Variants in TPRN observed in about 807,000 individuals in gnomAD.
TPRN encodes the protein chromosome 9 open reading frame 75.
TPRN carries 32 observed loss-of-function variants against 42.6 expected under a neutral mutation model. The observed-to-expected ratio is 0.75, with a 90% confidence interval of 0.57 to 1.01. The LOEUF (loss-of-function observed/expected upper bound fraction) is 1.01, where lower values mean the gene tolerates loss of function less well. Among genes scored for constraint, TPRN ranks in the 50% least tolerant of loss-of-function variants. TPRN has a pLI of 0.00. For missense variants in TPRN, 1,095 were observed against 957.5 expected (o/e 1.14, Z -1.90); for synonymous variants, 541 against 445.6 (o/e 1.21, Z -2.70).
rs1045738233 is a variant in TPRN at position 137,200,374 on chromosome 9, G to A, written c.338C>T (p.Pro113Leu). 1.9e-6 allele frequency: 2 copies of A among 1,077,404 alleles called. No individual in the cohort carries two copies. The highest frequency in any genetic ancestry group is 6.3e-5 in the South Asian group (2 of 31,550). The allele number at this position is 1,077,404 out of a possible 1,614,324, so 66.7% of individuals were successfully genotyped here. Reference sequence around the variant, plus strand: ...GGCGGCGCGGATCTGCGCGGCCCCCGGGGCGGGCGGCGCGGGCGGGAAGCC... The same window carrying A: ...GGCGGCGCGGATCTGCGCGGCCCCCAGGGCGGGCGGCGCGGGCGGGAAGCC... ...VPGFPPAPPAPGAAQIRAAEV... is the reference protein window; with the variant it reads ...VPGFPPAPPALGAAQIRAAEV... The change falls in exon 1 of 4, where the codon CCG becomes CTG. Residue 113 changes from proline (P) to leucine (L), a missense_variant. Physicochemically the swap from Pro to Leu is moderately conservative, Grantham distance 98. Coordinates refer to ENST00000409012, the MANE Select transcript of TPRN (RefSeq NM_001128228.3). This position sits in a 1 kb window ranked among gnomAD's most constrained non-coding sequence, Gnocchi z 4.3.
Position 137,192,477 on chromosome 9 carries a change from C to T in TPRN, c.1940G>A (p.Ser647Asn), listed in dbSNP as rs143298100. ...TGAGCTACCCTCTGGCAGCCGAGAG[C>T]TCTCGGGTCTCACGCTGCTCACAAA... ...ATFVSSVRPE[S>N]SRLPEGSSGL... The change falls in exon 2 of 4, where the codon AGC (serine) becomes AAC (asparagine). Residue 647 changes from serine to asparagine, a missense_variant. Physicochemically the swap from Ser to Asn is conservative, Grantham distance 46 (BLOSUM62 1). Transcript: ENST00000409012. 9.3e-6 allele frequency: 15 copies of T among 1,605,820 alleles called. No homozygotes were observed. In the African/African-American group the frequency reaches 1.9e-4, roughly 20 times the overall value.
chr9:137,198,988 T>C lies in TPRN; in HGVS notation c.1724A>G (p.Lys575Arg), dbSNP rs745997632. The change falls in exon 1 of 4, where the codon AAG becomes AGG. Residue 575 changes from lysine to arginine, a missense_variant and splice_region_variant. By Grantham distance (26) the Lys-to-Arg change is conservative. Transcript: ENST00000409012. ...CLTKAGSSRK[K>R]MKISFNDKSL... ...AGTGGCCCTGCCCCCACCACTGACCTTCTTTCTTGAGGAGCCAGCCTTGGT... is the reference window on the plus strand; with the variant it reads ...AGTGGCCCTGCCCCCACCACTGACCCTCTTTCTTGAGGAGCCAGCCTTGGT... 3 of 1,612,780 alleles carry C rather than the reference T, an allele frequency of 1.9e-6. No individual in the cohort carries two copies. The highest frequency in any genetic ancestry group is 2.7e-5 in the African/African-American group (2 of 74,960).
chr9:137,194,948 C>G (rs933668070), intron 1 of TPRN: 2 of 152,514 alleles, frequency 1.3e-5, no homozygotes, highest in Non-Finnish European at 2.9e-5. Flanking sequence ...GGTCCCAGCT[C>G]AGCCCAGCCT....
Position 137,200,624 on chromosome 9 carries a change from G to A in TPRN, c.88C>T (p.Leu30=). The A allele has an allele frequency of 8.5e-7, 1 of 1,183,376 alleles. No homozygotes were observed. Among genetic ancestry groups the A allele is most frequent in the Non-Finnish European group, 1.0e-6 (1 of 956,230 alleles). The allele number at this position is 1,183,376 out of a possible 1,614,324, so 73.3% of individuals were successfully genotyped here. Residue 30 remains leucine (L), a synonymous_variant, in exon 1 of 4, where the codon CTA becomes TTA. Coordinates refer to ENST00000409012, the MANE Select transcript of TPRN (RefSeq NM_001128228.3). This position sits in a 1 kb window ranked among gnomAD's most constrained non-coding sequence, Gnocchi z 4.3. The part of the protein sequence containing the change: ...REILERKRAK[L]AALGGGAGPG... ...CCCGCGCCCCCGCCCAGCGCGGCTA[G>A]CTTGGCCCGCTTCCGCTCCAGGATC...
intron 1 of TPRN, among the ~76,000 whole-genome samples, chr9:137,197,630 G>A (rs925697924): frequency 6.6e-6 from 1 of 152,228 alleles, no homozygotes; most frequent in Non-Finnish European, 1.5e-5. Flanking sequence ...CCACCTCTGG[G>A]GCAAGCCCAG....
Position 137,192,684 on chromosome 9 carries a change from ATCT to A in TPRN, c.1730_1732del (p.Lys577del), listed in dbSNP as rs769707569. 60 of 1,613,484 alleles carry A rather than the reference ATCT, an allele frequency of 3.7e-5. No homozygotes were observed. In the Admixed American group the frequency reaches 8.8e-4, roughly 24 times the overall value. On this transcript the variant is annotated inframe_deletion, in exon 2 of 4. Coordinates refer to ENST00000409012, the MANE Select transcript of TPRN (RefSeq NM_001128228.3). Reference sequence around the variant, plus strand: ...CTGCAGGCTTTTGTCGTTGAAGGAGATCTTCATCTGGGAGTGAGAGTCACGTGA... The same window carrying A: ...CTGCAGGCTTTTGTCGTTGAAGGAGATCATCTGGGAGTGAGAGTCACGTGA...
At chr9:137,196,205 G>A (rs1380109884) in intron 1 of TPRN, among the ~76,000 whole-genome samples, 2 of 152,302 alleles carry the variant, frequency 1.3e-5, no homozygotes, top group East Asian at 1.9e-4. Context: ...ACAGTGAGCC[G>A]TTGGCCCACA....
chr9:137,192,605 G>A lies in TPRN; in HGVS notation c.1812C>T (p.Asp604=), dbSNP rs765706749. Residue 604 remains aspartate, a synonymous_variant, in exon 2 of 4, where the codon GAC becomes GAT. Transcript: ENST00000409012. ...CCTCCTCCTCCTCCTCCTCCTGCTG[G>A]TCCACCTCTTCCTCCTGCTCTAGGG... is the stretch of plus-strand genomic sequence containing the variant. ...ESSLEQEEEV[D]QQEEEEEEEE... 39 of 1,613,158 alleles carry A rather than the reference G, an allele frequency of 2.4e-5. No homozygotes were observed. Among genetic ancestry groups the A allele is most frequent in the Non-Finnish European group, 2.9e-5 (34 of 1,179,880 alleles).
Position 137,200,516 on chromosome 9 carries a change from C to A in TPRN, c.196G>T (p.Ala66Ser). The A allele has an allele frequency of 8.6e-7, 1 of 1,168,164 alleles. No individual in the cohort carries two copies. Among genetic ancestry groups the A allele is most frequent in the Middle Eastern group, 3.6e-4 (1 of 2,788 alleles). 72.4% of individuals were successfully genotyped at this position (1,168,164 alleles called of 1,614,324 possible). A position where few individuals can be genotyped will look rare whatever the true frequency, so the allele number is the denominator to read the frequency against. ...GCGCCCCCGCCGCGCCGCCGCTCGG[C>A]CTCCAGCAGCATGAACGGGTTCTCG... ...LRENPFMLLE[A>S]ERRRGGGAAG... is the part of the protein sequence containing the mutation. Residue 66 changes from alanine (A) to serine (S), a missense_variant, in exon 1 of 4, where the codon GCC (alanine) becomes TCC (serine). Ala to Ser is a moderately conservative substitution (Grantham distance 99, BLOSUM62 1). Coordinates refer to ENST00000409012, the MANE Select transcript of TPRN (RefSeq NM_001128228.3). This position sits in a 1 kb window ranked among gnomAD's most constrained non-coding sequence, Gnocchi z 4.3.
intron 1 of TPRN, among the ~76,000 whole-genome samples, chr9:137,195,848 T>C (rs1308186818): frequency 6.6e-6 from 1 of 152,078 alleles, no homozygotes; most frequent in Non-Finnish European, 1.5e-5. Context: ...TGAGAATGGG[T>C]GTCCCACCCT....
chr9:137,198,841 A>ACCCAGC (rs1834744304), intron 1 of TPRN, 146 bp downstream of exon 1: 2 of 1,517,346 alleles, frequency 1.3e-6, no homozygotes, highest in South Asian at 2.4e-5. Context: ...AGCACGGCCC[A>ACCCAGC]CCCAGCCCCA....
chr9:137,196,930 C>A (rs1475513733), intron 1 of TPRN, among the ~76,000 whole-genome samples: 1 of 152,218 alleles, frequency 6.6e-6, no homozygotes, highest in African/African-American at 2.4e-5. Flanking sequence ...CATCTGGACC[C>A]CCACCCCTTC....
chr9:137,200,556 G>T lies in TPRN; in HGVS notation c.156C>A (p.Ser52Arg). 8.7e-7 allele frequency: 1 copy of T among 1,154,856 alleles called. No individual in the cohort carries two copies. Among genetic ancestry groups the T allele is most frequent in the Non-Finnish European group, 1.1e-6 (1 of 941,406 alleles). The allele number at this position is 1,154,856 out of a possible 1,614,324, so 71.5% of individuals were successfully genotyped here. Reference sequence around the variant, plus strand: ...ACGGGTTCTCGCGCAGCGGGCCCAGGCTCTCGGCCAGCACCCGCTGCTCGG... The same window carrying T: ...ACGGGTTCTCGCGCAGCGGGCCCAGTCTCTCGGCCAGCACCCGCTGCTCGG... Reference protein sequence around the residue: ...AEPEQRVLAESLGPLRENPFM... With the variant: ...AEPEQRVLAERLGPLRENPFM... The change falls in exon 1 of 4, where the codon AGC becomes AGA. Residue 52 changes from serine (S) to arginine (R), a missense_variant. By Grantham distance (110) the Ser-to-Arg change is moderately radical (BLOSUM62 -1). Transcript: ENST00000409012. The surrounding 1 kb of genome is among the most constrained non-coding windows in gnomAD (Gnocchi z 4.3).
chr9:137,195,408 C>A (rs565878677), intron 1 of TPRN, among the ~76,000 whole-genome samples: 1 of 152,112 alleles, frequency 6.6e-6, no homozygotes, highest in Non-Finnish European at 1.5e-5. Context: ...GGCGGAGAGA[C>A]GAGAAGGAAA....
Position 137,199,077 on chromosome 9 carries a change from G to A in TPRN, c.1635C>T (p.Arg545=), listed in dbSNP as rs776084207. The change falls in exon 1 of 4, where the codon CGC becomes CGT. Residue 545 remains arginine (R), a synonymous_variant. Transcript: ENST00000409012. The stretch of plus-strand genomic sequence containing the variant: ...CCTCGATCTCATGCACGGTGGGGTA[G>A]CGCTTCTTCAACGTGGGCCCCAGGA... ...SCLLGPTLKK[R]YPTVHEIEVI... is the part of the protein sequence containing the mutation. 1.2e-6 allele frequency: 2 copies of A among 1,613,314 alleles called. No homozygotes were observed. The highest frequency in any genetic ancestry group is 1.7e-6 in the Non-Finnish European group (2 of 1,180,002).
chr9:137,199,230 C>G lies in TPRN; in HGVS notation c.1482G>C (p.Gln494His). The G allele has an allele frequency of 6.2e-7, 1 of 1,613,044 alleles. No individual in the cohort carries two copies. The highest frequency in any genetic ancestry group is 8.5e-7 in the Non-Finnish European group (1 of 1,180,008). The stretch of plus-strand genomic sequence containing the variant: ...CTGTGAAGGTGTTGCTGCCCCGGGG[C>G]TGAAGCTCTGCCACGCACCCGGGCC... ...PARPGCVAEL[Q>H]PRGSNTFTVV... Residue 494 changes from glutamine to histidine, a missense_variant, in exon 1 of 4, where the codon CAG (glutamine) becomes CAC (histidine). By Grantham distance (24) the Gln-to-His change is conservative. Transcript: ENST00000409012.
intron 1 of TPRN, chr9:137,194,694 G>A (rs947201744): frequency 1.3e-5 from 2 of 152,246 alleles, no homozygotes; most frequent in Admixed American, 1.3e-4. Context: ...GCCCTCAGCT[G>A]GGGCCCGGGG....
intron 1 of TPRN, chr9:137,192,978 A>C: frequency 2.1e-6 from 1 of 480,434 alleles, no homozygotes; most frequent in South Asian, 2.4e-5. Context: ...CCTCTAGACC[A>C]GCTCCTGGAG....
intron 1 of TPRN, among the ~76,000 whole-genome samples, chr9:137,196,759 G>A (rs1310154982): frequency 6.6e-6 from 1 of 152,140 alleles, no homozygotes; most frequent in African/African-American, 2.4e-5. Flanking sequence ...AAGCCATTCT[G>A]AAAGGCAGGG....
Sources: gnomAD v4.1 joint callset for allele counts (sites outside exome capture counted in the v4.1 genomes callset) on GRCh38, gnomAD v4.1.1 for gene constraint, Gnocchi (gnomAD v3.1) non-coding constraint, MANE v1.5 for transcripts, NCBI Gene and HGNC (gene_info 2026-07-23, HGNC 2026-07-21) for gene names.